Variants in CR1 observed in about 807,000 individuals in gnomAD.
CR1 encodes the protein complement C3b/C4b receptor 1 (Knops blood group).
Under a neutral mutation model 187.3 loss-of-function variants are expected in CR1, and 116 were observed. That is an observed-to-expected ratio of 0.62 (90% confidence interval 0.53 to 0.72). CR1 has a LOEUF of 0.72. Among genes scored for constraint, CR1 ranks in the 30% least tolerant of loss-of-function variants. The probability of loss-of-function intolerance (pLI) is 0.00; values close to 1 mark genes in which losing one functional copy is unlikely to be tolerated. For missense variants in CR1, 1,731 were observed against 2,110.7 expected (o/e 0.82, Z 3.52); for synonymous variants, 576 against 747.1 (o/e 0.77, Z 3.73).
At chr1:207,506,687 C>A (rs1387697919) in intron 2 of CR1, 27 bp from the exon 3 acceptor site, 2 of 1,603,268 alleles carry the variant, frequency 1.2e-6, no homozygotes, top group Non-Finnish European at 1.7e-6. Context: ...CTCTACTTGG[C>A]TCCAAAATTC....
chr1:207,506,088 G>GT lies in CR1; in HGVS notation c.301+6dup. The stretch of plus-strand genomic sequence containing the variant: ...GTGCTAAGGACAGGTGCAGACGTAA[G>GT]TAACTCTGGAGTGGGAACCCCCCTG... On this transcript the variant is annotated splice_donor_region_variant and intron_variant, in intron 2 of 46. Coordinates refer to ENST00000367049, the MANE Select transcript of CR1 (RefSeq NM_000651.6). The GT allele has an allele frequency of 6.2e-7, 1 of 1,612,160 alleles. No individual in the cohort carries two copies. Among genetic ancestry groups the GT allele is most frequent in the South Asian group, 1.1e-5 (1 of 90,638 alleles).
rs1372885484 is a variant in CR1, at chr1:207,617,505, A to ATGTGTGTG, written c.6890-565_6890-564insGTGTGTGT. On this transcript the variant is annotated intron_variant, in intron 41 of 46. Coordinates refer to ENST00000367049, the MANE Select transcript of CR1 (RefSeq NM_000651.6). Reference sequence around the variant, plus strand: ...AAAGTATATATATATATATATATATATATGTGTGTGTGTGTGTGTGTGTGT... The same window carrying ATGTGTGTG: ...AAAGTATATATATATATATATATATATGTGTGTGTATGTGTGTGTGTGTGTGTGTGTGT... 4.5e-3 allele frequency among the ~76,000 whole-genome samples: 182 copies of ATGTGTGTG among 40,872 alleles called. 20 individuals are homozygous for ATGTGTGTG. The highest frequency in any genetic ancestry group is 0.014 in the African/African-American group (176 of 12,984). 26.8% of individuals were successfully genotyped at this position (40,872 alleles called of 152,430 possible).
At chr1:207,604,616 T>TA (rs755105139) in intron 35 of CR1, among the ~76,000 whole-genome samples, 22 of 152,364 alleles carry the variant, frequency 1.4e-4, no homozygotes, top group Admixed American at 4.6e-4. Context: ...CAAAAACTTG[T>TA]ATCTATTTCT....
At chr1:207,591,515 G>A (rs563631128) in intron 35 of CR1, among the ~76,000 whole-genome samples, 24 of 152,174 alleles carry the variant, frequency 1.6e-4, no homozygotes, top group African/African-American at 5.1e-4. Flanking sequence ...ATCTAAAATC[G>A]ACGCCCTGAC....
chr1:207,638,342 T>C (rs1662878305), intron 46 of CR1, among the ~76,000 whole-genome samples: 1 of 152,264 alleles, frequency 6.6e-6, no homozygotes, highest in Non-Finnish European at 1.5e-5. Flanking sequence ...TGGGAAGTAC[T>C]GTCTCGATTA....
intron 40 of CR1, among the ~76,000 whole-genome samples, chr1:207,615,686 A>G (rs1381749813): frequency 6.6e-6 from 1 of 152,222 alleles, no homozygotes; most frequent in Non-Finnish European, 1.5e-5. Flanking sequence ...TATAGAAATC[A>G]ATTTGGATAC....
chr1:207,590,794 A>G (rs1205376740), intron 35 of CR1, among the ~76,000 whole-genome samples: 1 of 152,228 alleles, frequency 6.6e-6, no homozygotes, highest in Non-Finnish European at 1.5e-5. Flanking sequence ...AAAGCAAATA[A>G]AAGCAGGGGT....
Position 207,577,261 on chromosome 1 carries a change from C to CAAA in CR1, c.4538-543_4538-541dup, listed in dbSNP as rs780785123. On this transcript the variant is annotated intron_variant, in intron 28 of 46. Coordinates refer to ENST00000367049, the MANE Select transcript of CR1 (RefSeq NM_000651.6). ...GTGAGGATCTGTTAAAACAAACAAA[C>CAAA]AAACAAAAAAAAAACACATGGACTC... is the stretch of plus-strand genomic sequence containing the variant. 6.0e-4 allele frequency among the ~76,000 whole-genome samples: 84 copies of CAAA among 139,166 alleles called. 1 individual carries two copies. In the South Asian group the frequency reaches 6.2e-3, roughly 10 times the overall value. The allele number at this position is 139,166 out of a possible 152,430, so 91.3% of individuals were successfully genotyped here. A position where few individuals can be genotyped will look rare whatever the true frequency, so the allele number is the denominator to read the frequency against.
chr1:207,638,298 T>C (rs957311801), intron 46 of CR1, among the ~76,000 whole-genome samples: 1 of 152,222 alleles, frequency 6.6e-6, no homozygotes, highest in African/African-American at 2.4e-5. Flanking sequence ...GAACTCCCAT[T>C]ACAGCAAAAC....
intron 35 of CR1, among the ~76,000 whole-genome samples, chr1:207,601,640 T>C (rs1309092496): frequency 6.6e-6 from 1 of 152,176 alleles, no homozygotes; most frequent in Non-Finnish European, 1.5e-5. Context: ...TGAAGTCAGT[T>C]TGATTTACAT....
At chr1:207,606,852 G>T (rs1204029707) in intron 35 of CR1, among the ~76,000 whole-genome samples, 1 of 152,134 alleles carries the variant, frequency 6.6e-6, no homozygotes, top group Non-Finnish European at 1.5e-5. Flanking sequence ...AAACTTGAAA[G>T]TCTCTAAGCT....
intron 4 of CR1, among the ~76,000 whole-genome samples, chr1:207,512,743 C>T (rs968032425): frequency 3.9e-5 from 6 of 152,074 alleles, no homozygotes; most frequent in African/African-American, 1.2e-4. Context: ...TATTTGAAAT[C>T]TGTAATAAAC....
At chr1:207,593,879 A>T (rs547075241) in intron 35 of CR1, among the ~76,000 whole-genome samples, 2 of 152,380 alleles carry the variant, frequency 1.3e-5, no homozygotes, top group South Asian at 4.1e-4. Flanking sequence ...TCATTAGAGA[A>T]ATGCAAATCA....
chr1:207,635,037 T>A (rs1571624962), intron 46 of CR1, among the ~76,000 whole-genome samples: 1 of 152,204 alleles, frequency 6.6e-6, no homozygotes, highest in Non-Finnish European at 1.5e-5. Flanking sequence ...TTCGCCATAC[T>A]TTCTATGTCC....
At chr1:207,624,575 G>A (rs1175902784) in intron 45 of CR1, among the ~76,000 whole-genome samples, 3 of 152,186 alleles carry the variant, frequency 2.0e-5, no homozygotes, top group Non-Finnish European at 4.4e-5. Flanking sequence ...AGATCTTGCT[G>A]TAAAGAACCT....
At chr1:207,630,177 T>C (rs1401325785) in intron 45 of CR1, among the ~76,000 whole-genome samples, 2 of 152,216 alleles carry the variant, frequency 1.3e-5, no homozygotes, top group Non-Finnish European at 2.9e-5. Flanking sequence ...ATTCATGTTG[T>C]GCAGCTTAAG....
intron 45 of CR1, among the ~76,000 whole-genome samples, chr1:207,625,817 T>C (rs1662462427): frequency 1.3e-5 from 2 of 152,184 alleles, no homozygotes; most frequent in African/African-American, 4.8e-5. Context: ...AGTCAGTCAG[T>C]TGCCAAATGC....
chr1:207,514,981 A>G (rs1163837089), intron 4 of CR1, among the ~76,000 whole-genome samples: 2 of 81,544 alleles, frequency 2.5e-5, no homozygotes, highest in Non-Finnish European at 5.0e-5. Context: ...GAAGTATAAC[A>G]TATATATATA....
At chr1:207,566,720 G>A (rs1190570311) in intron 24 of CR1, among the ~76,000 whole-genome samples, 1 of 150,068 alleles carries the variant, frequency 6.7e-6, no homozygotes, top group African/African-American at 2.5e-5. Flanking sequence ...AGCCTCATAT[G>A]TTCAATAATC....
Sources: gnomAD v4.1 joint callset for allele counts (sites outside exome capture counted in the v4.1 genomes callset) on GRCh38, gnomAD v4.1.1 for gene constraint, MANE v1.5 for transcripts, NCBI Gene and HGNC (gene_info 2026-07-23, HGNC 2026-07-21) for gene names.